CD44: variants seen among roughly 807,000 people sequenced by gnomAD.
CD44 encodes CD44 antigen.
CD44 carries 49 observed loss-of-function variants against 88.8 expected under a neutral mutation model. That is an observed-to-expected ratio of 0.55 (90% CI 0.44 to 0.70). CD44 has a LOEUF of 0.70. Ranked by LOEUF, CD44 falls within the 30% of genes least tolerant of loss-of-function variation. The pLI is 0.00. For synonymous variants in CD44, 325 were observed against 312.3 expected, an observed-to-expected ratio of 1.04 and a Z score of -0.43; for missense variants, 883 against 913.8, an observed-to-expected ratio of 0.97 and a Z score of 0.43.
Position 35,214,878 on chromosome 11 carries a change from G to T in CD44, c.1837G>T (p.Gly613Trp). ...SGDQDTFHPS[G>W]GSHTTHGSES... ...AGACCAAGACACATTCCACCCCAGT[G>T]GGGGGTCCCATACCACTCATGGATC... The change falls in exon 15 of 18, where the codon GGG (glycine) becomes TGG (tryptophan). Residue 613 changes from glycine (G) to tryptophan (W), a missense_variant. This residue lies in a region of CD44 where 631 missense variants were observed against 590.9 expected (regional missense o/e 1.07). Coordinates refer to ENST00000428726, the MANE Select transcript of CD44 (RefSeq NM_000610.4). 1 of 1,556,606 alleles carries T rather than the reference G, an allele frequency of 6.4e-7. No individual in the cohort carries two copies. Among genetic ancestry groups the T allele is most frequent in the Non-Finnish European group, 8.7e-7 (1 of 1,150,764 alleles).
At position 35,196,842 on chromosome 11, in the gene CD44, A is replaced by T. The variant is rs747153582; in HGVS notation, c.764A>T (p.Lys255Met). The change falls in exon 6 of 18, where the codon AAG becomes ATG. Residue 255 changes from lysine to methionine, a missense_variant. Lys to Met is a moderately conservative substitution (Grantham distance 95). Coordinates refer to ENST00000428726, the MANE Select transcript of CD44 (RefSeq NM_000610.4). ...TGGTTGTTTCTACCATCAGAGTCAA[A>T]GAATCATCTTCACACAACAACACAA... ...FSWLFLPSES[K>M]NHLHTTTQMA... is the part of the protein sequence containing the mutation. The T allele has an allele frequency of 1.3e-5, 21 of 1,613,624 alleles. No individual in the cohort carries two copies. In the Admixed American group the frequency reaches 2.0e-4, roughly 15 times the overall value.
At chr11:35,208,333 T>C in intron 12 of CD44, 127 bp downstream of exon 12, 1 of 683,214 alleles carries the variant, frequency 1.5e-6, no homozygotes. Flanking sequence ...GCCCAGAGTG[T>C]GAAACTGTCT....
chr11:35,195,671 A>G (rs1946671133), intron 5 of CD44, among the ~76,000 whole-genome samples: 1 of 151,884 alleles, frequency 6.6e-6, no homozygotes, highest in South Asian at 2.1e-4. Context: ...GTTAGCTCAT[A>G]TTCTTCCAAT....
chr11:35,229,603 C>T lies in CD44; in HGVS notation c.*270C>T, dbSNP rs1949959694. On this transcript the variant is annotated 3_prime_UTR_variant, in exon 18 of 18. Transcript: ENST00000428726. ...TCCCACTTGGAGGCCTTTCATCCCT[C>T]GGGTGTGCTATGGATGGCTTCTAAC... 1.1e-5 allele frequency: 5 copies of T among 446,626 alleles called. No individual in the cohort carries two copies. Among genetic ancestry groups the T allele is most frequent in the South Asian group, 8.1e-5 (3 of 36,992 alleles). The allele number at this position is 446,626 out of a possible 1,614,324, so 27.7% of individuals were successfully genotyped here. A position where few individuals can be genotyped will look rare whatever the true frequency, so the allele number is the denominator to read the frequency against.
intron 3 of CD44, 67 bp downstream of exon 3, chr11:35,180,474 T>A: frequency 6.4e-7 from 1 of 1,557,468 alleles, no homozygotes; most frequent in Non-Finnish European, 8.8e-7. Context: ...GAGCTCAGCT[T>A]AAGTGGGGAT....
chr11:35,167,474 C>T (rs941897461), intron 1 of CD44, among the ~76,000 whole-genome samples: 8 of 152,196 alleles, frequency 5.3e-5, no homozygotes, highest in African/African-American at 1.9e-4. Flanking sequence ...TCCCTTCCTA[C>T]TTCTGATCAG....
rs528266324 is a variant in CD44 at position 35,206,006 on chromosome 11, C to T, written c.1283-106C>T. ...GCCCTCTATACAAGGAAGATGGTTT[C>T]ATTGTCTTGTCTAGAGAATAAAGTC... On this transcript the variant is annotated intron_variant, in intron 10 of 17. Coordinates refer to ENST00000428726, the MANE Select transcript of CD44 (RefSeq NM_000610.4). 110 of 1,387,354 alleles carry T rather than the reference C, an allele frequency of 7.9e-5. No homozygotes were observed. In the African/African-American group the frequency reaches 1.5e-3, roughly 19 times the overall value. The allele number at this position is 1,387,354 out of a possible 1,614,324, so 85.9% of individuals were successfully genotyped here.
At chr11:35,214,388 A>G (rs1343563741) in intron 14 of CD44, among the ~76,000 whole-genome samples, 1 of 152,200 alleles carries the variant, frequency 6.6e-6, no homozygotes, top group Non-Finnish European at 1.5e-5. Flanking sequence ...CCTGCCGCCA[A>G]GAAATCTCTG....
intron 1 of CD44, among the ~76,000 whole-genome samples, chr11:35,139,819 G>C (rs373977520): frequency 3.3e-5 from 5 of 152,236 alleles, no homozygotes; most frequent in African/African-American, 1.2e-4. Flanking sequence ...TATCAAGGTG[G>C]TCACAGAAGG....
chr11:35,215,312 G>C (rs1393962765), intron 15 of CD44, among the ~76,000 whole-genome samples: 1 of 152,204 alleles, frequency 6.6e-6, no homozygotes, highest in Middle Eastern at 3.2e-3. Flanking sequence ...AATGGCCTGA[G>C]TTCGATTCCA....
intron 3 of CD44, among the ~76,000 whole-genome samples, chr11:35,181,613 C>A (rs1020149570): frequency 6.9e-6 from 1 of 145,894 alleles, no homozygotes; most frequent in Admixed American, 7.1e-5. Flanking sequence ...GTTAAATTAG[C>A]TGGAAAGGGA....
At chr11:35,196,667 A>G in intron 5 of CD44, 79 bp from the exon 6 acceptor site, 1 of 1,416,692 alleles carries the variant, frequency 7.1e-7, no homozygotes, top group Non-Finnish European at 9.8e-7. Flanking sequence ...GTAGTAAAAG[A>G]GTACAAGCAT....
At chr11:35,212,069 C>T (rs1004981300) in intron 14 of CD44, among the ~76,000 whole-genome samples, 2 of 151,772 alleles carry the variant, frequency 1.3e-5, no homozygotes, top group African/African-American at 4.8e-5. Flanking sequence ...AAGAGAGGAA[C>T]GAAGATAATT....
intron 1 of CD44, among the ~76,000 whole-genome samples, chr11:35,158,255 C>T (rs193241127): frequency 2.6e-5 from 4 of 152,200 alleles, no homozygotes; most frequent in South Asian, 4.1e-4. Flanking sequence ...TTCCAAAGGC[C>T]GGAATTGAGA....
At chr11:35,190,846 TG>T (rs1267909636) in intron 5 of CD44, among the ~76,000 whole-genome samples, 1 of 152,194 alleles carries the variant, frequency 6.6e-6, no homozygotes, top group Non-Finnish European at 1.5e-5. Context: ...ACTTGGTGTG[TG>T]GGGGTAATTC....
At chr11:35,142,596 T>C (rs1021202831) in intron 1 of CD44, among the ~76,000 whole-genome samples, 2 of 152,198 alleles carry the variant, frequency 1.3e-5, no homozygotes, top group Non-Finnish European at 2.9e-5. Context: ...TGTTTTCCCA[T>C]GTGAAGGAGC....
At chr11:35,207,489 T>A (rs1438922212) in intron 11 of CD44, among the ~76,000 whole-genome samples, 1 of 152,258 alleles carries the variant, frequency 6.6e-6, no homozygotes, top group African/African-American at 2.4e-5. Context: ...TCTGCACTAC[T>A]CAACATTGTA....
At chr11:35,211,900 G>A (rs2134206417) in intron 14 of CD44, among the ~76,000 whole-genome samples, 1 of 152,186 alleles carries the variant, frequency 6.6e-6, no homozygotes, top group East Asian at 1.9e-4. Flanking sequence ...CTATATACTA[G>A]TATCTTTGCT....
chr11:35,167,442 A>C (rs981709997), intron 1 of CD44, among the ~76,000 whole-genome samples: 5 of 152,184 alleles, frequency 3.3e-5, no homozygotes, highest in South Asian at 2.1e-4. Flanking sequence ...TAATGCTTTA[A>C]AACAACAAAA....
Sources: allele counts gnomAD v4.1 joint callset (sites outside exome capture counted in the v4.1 genomes callset), GRCh38; gene constraint gnomAD v4.1.1; regional missense constraint gnomAD v4.1.1; transcripts MANE v1.5; gene names NCBI Gene and HGNC (gene_info 2026-07-23, HGNC 2026-07-21).